The following RUFY1 variants were observed in gnomAD, a reference collection of about 807,000 sequenced individuals.
The protein encoded by RUFY1 is RUN and FYVE domain-containing protein 1.
In RUFY1, 54 loss-of-function variants were observed where a neutral mutation model predicts 94.6. That is an observed-to-expected ratio of 0.57 (90% CI 0.46 to 0.72). RUFY1 has a LOEUF of 0.72. Among genes scored for constraint, RUFY1 ranks in the 30% least tolerant of loss-of-function variants. RUFY1 has a pLI of 0.00. For missense variants in RUFY1, 883 were observed against 883.9 expected, an observed-to-expected ratio of 1.00 and a Z score of 0.01; for synonymous variants, 396 against 347.3, an observed-to-expected ratio of 1.14 and a Z score of -1.56.
intron 7 of RUFY1, among the ~76,000 whole-genome samples, chr5:179,584,206 C>T (rs973396741): frequency 6.6e-6 from 1 of 151,700 alleles, no homozygotes; most frequent in South Asian, 2.1e-4. Context: ...ATATTTGTCC[C>T]CCGGTTCCTA....
chr5:179,581,276 G>A (rs890235630), intron 7 of RUFY1, among the ~76,000 whole-genome samples: 8 of 151,874 alleles, frequency 5.3e-5, no homozygotes, highest in Admixed American at 1.3e-4. Flanking sequence ...TCCATTCCTC[G>A]CCCCACAGCC....
At chr5:179,576,386 A>G (rs1763614445) in intron 5 of RUFY1, among the ~76,000 whole-genome samples, 1 of 152,208 alleles carries the variant, frequency 6.6e-6, no homozygotes, top group Non-Finnish European at 1.5e-5. Flanking sequence ...AGAAGGACTC[A>G]GAAATGTCAG....
chr5:179,589,218 C>T, intron 8 of RUFY1: 2 of 306,284 alleles, frequency 6.5e-6, no homozygotes, highest in Admixed American at 4.8e-5. Flanking sequence ...TAACTATTTC[C>T]CTAATAGTGA....
chr5:179,592,655 C>T (rs1581521515), intron 10 of RUFY1, among the ~76,000 whole-genome samples: 1 of 152,356 alleles, frequency 6.6e-6, no homozygotes, highest in African/African-American at 2.4e-5. Flanking sequence ...TTCCACTCAA[C>T]CTGTGCATCA....
intron 10 of RUFY1, among the ~76,000 whole-genome samples, chr5:179,592,224 A>G (rs1384467877): frequency 6.6e-6 from 1 of 151,968 alleles, no homozygotes; most frequent in Non-Finnish European, 1.5e-5. Context: ...GGTTCAAGCA[A>G]TTCTCCTGCC....
At chr5:179,578,081 CTG>C (rs1381647842) in intron 6 of RUFY1, among the ~76,000 whole-genome samples, 1 of 152,124 alleles carries the variant, frequency 6.6e-6, no homozygotes, top group African/African-American at 2.4e-5. Context: ...CAAAGGAAGA[CTG>C]TTTAATGCCT....
At position 179,589,541 on chromosome 5, in the gene RUFY1, A is replaced by G. The variant is rs1439881149; in HGVS notation, c.1027-5A>G. Reference sequence around the variant, plus strand: ...TTAAGAACTGTAAAAATTTTCCTTAATCAGCTTTCAGCTGCAACAGACCGA... The same window carrying G: ...TTAAGAACTGTAAAAATTTTCCTTAGTCAGCTTTCAGCTGCAACAGACCGA... On this transcript the variant is annotated splice_polypyrimidine_tract_variant and splice_region_variant and intron_variant, in intron 8 of 17. Coordinates refer to ENST00000319449, the MANE Select transcript of RUFY1 (RefSeq NM_025158.5). The G allele has an allele frequency of 8.7e-6, 14 of 1,609,456 alleles. No homozygotes were observed. The highest frequency in any genetic ancestry group is 1.1e-5 in the Non-Finnish European group (13 of 1,176,062).
intron 8 of RUFY1, among the ~76,000 whole-genome samples, chr5:179,587,386 T>TTC (rs1764693670): frequency 2.7e-3 from 6 of 2,208 alleles, no homozygotes; most frequent in Non-Finnish European, 6.3e-3. Context: ...TTCTTTCTTT[T>TTC]TTTTTTTTTT....
intron 5 of RUFY1, among the ~76,000 whole-genome samples, chr5:179,574,875 G>T (rs1452681591): frequency 6.6e-6 from 1 of 151,830 alleles, no homozygotes; most frequent in African/African-American, 2.4e-5. Context: ...TTTGCTTTGG[G>T]TATTAATTCT....
At chr5:179,551,006 G>A in intron 1 of RUFY1, 127 bp downstream of exon 1, 2 of 832,950 alleles carry the variant, frequency 2.4e-6, no homozygotes, top group Non-Finnish European at 2.9e-6. Context: ...CTGTTGGCGG[G>A]CGGGCGGCGC....
rs948106360 is a variant in RUFY1 at position 179,550,641 on chromosome 5, G to C, written c.72G>C (p.Pro24=). The C allele has an allele frequency of 5.0e-6, 7 of 1,395,456 alleles. No individual in the cohort carries two copies. The highest frequency in any genetic ancestry group is 6.5e-6 in the Non-Finnish European group (7 of 1,083,282). 86.4% of individuals were successfully genotyped at this position (1,395,456 alleles called of 1,614,324 possible). A position where few individuals can be genotyped will look rare whatever the true frequency, so the allele number is the denominator to read the frequency against. The change falls in exon 1 of 18, where the codon CCG becomes CCC. Residue 24 remains proline, a synonymous_variant. Coordinates refer to ENST00000319449, the MANE Select transcript of RUFY1 (RefSeq NM_025158.5). ...TGGAGCCGGAGCTGGAGCCGGGGCC[G>C]GGGCCCGGGTCAGCGCTTGAGCCGG... is the stretch of plus-strand genomic sequence containing the variant. ...RELEPELEPG[P]GPGSALEPGE...
chr5:179,556,022 G>T (rs1486451770), intron 1 of RUFY1, among the ~76,000 whole-genome samples: 1 of 151,838 alleles, frequency 6.6e-6, no homozygotes, highest in African/African-American at 2.4e-5. Flanking sequence ...TAAAGTTAAC[G>T]TATAAGATTA....
chr5:179,585,543 C>T (rs1764538846), intron 7 of RUFY1, among the ~76,000 whole-genome samples: 1 of 152,210 alleles, frequency 6.6e-6, no homozygotes, highest in African/African-American at 2.4e-5. Context: ...CACTCCACTG[C>T]ACTCTAGTCT....
At chr5:179,609,275 C>G in intron 17 of RUFY1, 101 bp from the exon 18 acceptor site, 1 of 1,250,458 alleles carries the variant, frequency 8.0e-7, no homozygotes, top group Non-Finnish European at 1.1e-6. Flanking sequence ...ACATAAGAAC[C>G]CATTCCCAGC....
At chr5:179,598,628 G>A in intron 13 of RUFY1, 64 bp from the exon 14 acceptor site, 1 of 1,591,880 alleles carries the variant, frequency 6.3e-7, no homozygotes, top group Non-Finnish European at 8.6e-7. Flanking sequence ...GCGGTGAATT[G>A]GGTTGTGAAT....
intron 8 of RUFY1, among the ~76,000 whole-genome samples, chr5:179,586,902 G>A (rs1253253214): frequency 1.3e-5 from 2 of 152,156 alleles, no homozygotes; most frequent in Non-Finnish European, 2.9e-5. Flanking sequence ...AGATTAAGAC[G>A]AATATCTGGT....
chr5:179,570,370 G>A (rs1763137219), intron 5 of RUFY1, among the ~76,000 whole-genome samples: 1 of 152,214 alleles, frequency 6.6e-6, no homozygotes, highest in Admixed American at 6.6e-5. Context: ...AGTCCTGCAA[G>A]CCTGGATGGG....
chr5:179,608,907 G>C (rs1413508000), intron 17 of RUFY1, among the ~76,000 whole-genome samples: 1 of 137,122 alleles, frequency 7.3e-6, no homozygotes, highest in Non-Finnish European at 1.6e-5. Flanking sequence ...CCCCAGCCTG[G>C]GCGACAGAGA....
chr5:179,559,826 C>T (rs755227674), intron 1 of RUFY1, 199 bp from the exon 2 acceptor site: 4 of 1,338,300 alleles, frequency 3.0e-6, no homozygotes, highest in South Asian at 1.9e-5. Flanking sequence ...CCCAAGGCCC[C>T]GCCGTCCAGG....
Sources: allele counts gnomAD v4.1 joint callset (sites outside exome capture counted in the v4.1 genomes callset), GRCh38; gene constraint gnomAD v4.1.1; transcripts MANE v1.5; gene names NCBI Gene and HGNC (gene_info 2026-07-23, HGNC 2026-07-21).